CNTN1: variants seen among roughly 807,000 people sequenced by gnomAD.
The protein encoded by CNTN1 is contactin 1.
CNTN1 carries 38 observed loss-of-function variants against 126.4 expected under a neutral mutation model. The ratio of observed to expected loss-of-function variants is 0.30; its 90% CI spans 0.23 to 0.39. CNTN1 has a LOEUF of 0.39. Among genes scored for constraint, CNTN1 ranks in the 10% least tolerant of loss-of-function variants. The probability of loss-of-function intolerance (pLI) is 1.00; values close to 1 mark genes in which losing one functional copy is unlikely to be tolerated. For missense variants in CNTN1, 1,009 were observed against 1,248.4 expected (o/e 0.81, Z 2.89); for synonymous variants, 413 against 422.6 (o/e 0.98, Z 0.28).
chr12:40,816,444 G>A (rs1252789783), intron 1 of CNTN1, among the ~76,000 whole-genome samples: 2 of 152,118 alleles, frequency 1.3e-5, no homozygotes, highest in African/African-American at 4.8e-5. Flanking sequence ...GCATAGAGGT[G>A]TTTTTATTAT....
intron 23 of CNTN1, among the ~76,000 whole-genome samples, chr12:41,045,482 T>A (rs1329978942): frequency 1.3e-5 from 2 of 152,156 alleles, no homozygotes; most frequent in Non-Finnish European, 2.9e-5. Flanking sequence ...TTGTGATTTT[T>A]AAAAATAAAA....
intron 1 of CNTN1, among the ~76,000 whole-genome samples, chr12:40,775,969 A>G (rs1203846262): frequency 6.6e-6 from 1 of 151,664 alleles, no homozygotes; most frequent in African/African-American, 2.4e-5. Flanking sequence ...TTTTAATAGT[A>G]TAAAACAAAA....
chr12:40,948,255 TTTC>T (rs1380929836), intron 14 of CNTN1, among the ~76,000 whole-genome samples: 7 of 126,454 alleles, frequency 5.5e-5, no homozygotes, highest in Admixed American at 8.6e-5. Context: ...TTTTTCTTTC[TTTC>T]TTTTTTTTTT....
intron 1 of CNTN1, among the ~76,000 whole-genome samples, chr12:40,887,779 G>A (rs1400009996): frequency 2.6e-5 from 4 of 151,978 alleles, no homozygotes; most frequent in South Asian, 2.1e-4. Flanking sequence ...GTCCAACAAC[G>A]ATAGACTGGA....
At chr12:40,831,081 A>ATATATAG (rs1359382906) in intron 1 of CNTN1, among the ~76,000 whole-genome samples, 1 of 144,770 alleles carries the variant, frequency 6.9e-6, no homozygotes, top group African/African-American at 2.6e-5. Flanking sequence ...TATACTATAC[A>ATATATAG]TATACTATAT....
intron 3 of CNTN1, among the ~76,000 whole-genome samples, chr12:40,918,425 G>A (rs1385708204): frequency 6.6e-6 from 1 of 151,936 alleles, no homozygotes; most frequent in Non-Finnish European, 1.5e-5. Flanking sequence ...GGCAACACAT[G>A]GTACATTTGG....
intron 1 of CNTN1, among the ~76,000 whole-genome samples, chr12:40,853,528 A>C (rs956944458): frequency 6.6e-6 from 1 of 152,160 alleles, no homozygotes; most frequent in Non-Finnish European, 1.5e-5. Context: ...GGTCATGTTT[A>C]CATTGTCTTA....
intron 1 of CNTN1, among the ~76,000 whole-genome samples, chr12:40,847,896 G>A (rs1942571648): frequency 6.6e-6 from 1 of 152,160 alleles, no homozygotes; most frequent in Non-Finnish European, 1.5e-5. Flanking sequence ...AGATCATAAG[G>A]CATTAGATTC....
intron 15 of CNTN1, among the ~76,000 whole-genome samples, chr12:40,963,051 T>C (rs1474384266): frequency 6.6e-6 from 1 of 152,092 alleles, no homozygotes; most frequent in Non-Finnish European, 1.5e-5. Flanking sequence ...TTATCTACTC[T>C]GAAATAGGAC....
chr12:40,944,625 T>C (rs532937423), intron 14 of CNTN1, among the ~76,000 whole-genome samples: 19 of 152,008 alleles, frequency 1.2e-4, no homozygotes, highest in Non-Finnish European at 2.6e-4. Context: ...GTTTATGTGA[T>C]TTGAAGAGGG....
chr12:40,860,302 AG>A (rs1943071585), intron 1 of CNTN1, among the ~76,000 whole-genome samples: 1 of 152,124 alleles, frequency 6.6e-6, no homozygotes, highest in Admixed American at 6.6e-5. Context: ...ATGTCTTCTA[AG>A]GTCTGGTGCA....
chr12:40,926,074 G>C (rs1239941336), intron 6 of CNTN1, among the ~76,000 whole-genome samples: 1 of 151,272 alleles, frequency 6.6e-6, no homozygotes, highest in Non-Finnish European at 1.5e-5. Flanking sequence ...AGCAAAACAG[G>C]AAAAGCTACC....
chr12:40,859,868 A>G (rs1289719173), intron 1 of CNTN1, among the ~76,000 whole-genome samples: 4 of 152,152 alleles, frequency 2.6e-5, no homozygotes, highest in African/African-American at 9.6e-5. Flanking sequence ...ATAATTCACC[A>G]TCCAAAACTT....
intron 23 of CNTN1, among the ~76,000 whole-genome samples, chr12:41,041,585 A>G (rs1251838859): frequency 6.6e-6 from 1 of 152,114 alleles, no homozygotes; most frequent in Non-Finnish European, 1.5e-5. Context: ...TATTGCCACA[A>G]TTTCAGAGCC....
intron 23 of CNTN1, among the ~76,000 whole-genome samples, chr12:41,049,557 C>T (rs1949625800): frequency 6.6e-6 from 1 of 152,204 alleles, no homozygotes; most frequent in Non-Finnish European, 1.5e-5. Context: ...TCATAGGGTC[C>T]AGTCACTGTG....
Position 41,071,630 on chromosome 12 carries a change from A to C in CNTN1, c.*1595A>C, listed in dbSNP as rs1950161459. The C allele has an allele frequency of 1.3e-5, 2 of 152,132 alleles. No homozygotes were observed. The highest frequency in any genetic ancestry group is 4.1e-4 in the South Asian group (2 of 4,826). 9.4% of individuals were successfully genotyped at this position (152,132 alleles called of 1,614,324 possible). ...AGTCTTCATTATGAAAATATCAATAAATATTTCATTAGTTTACATTTAACT... is the reference window on the plus strand; with the variant it reads ...AGTCTTCATTATGAAAATATCAATACATATTTCATTAGTTTACATTTAACT... On this transcript the variant is annotated 3_prime_UTR_variant, in exon 24 of 24. Transcript: ENST00000551295.
intron 1 of CNTN1, among the ~76,000 whole-genome samples, chr12:40,746,938 A>AC (rs1162744787): frequency 2.0e-5 from 3 of 151,936 alleles, no homozygotes; most frequent in African/African-American, 7.2e-5. Flanking sequence ...GCTGGCTGTA[A>AC]CCAATTATTA....
intron 23 of CNTN1, among the ~76,000 whole-genome samples, chr12:41,036,699 T>C (rs1255712960): frequency 2.6e-5 from 4 of 152,122 alleles, no homozygotes; most frequent in Non-Finnish European, 4.4e-5. Flanking sequence ...ACTTCCCATA[T>C]TTTCATTTTC....
At chr12:40,793,711 T>C (rs1592093557) in intron 1 of CNTN1, among the ~76,000 whole-genome samples, 1 of 152,182 alleles carries the variant, frequency 6.6e-6, no homozygotes. Flanking sequence ...ACCTGGAAAA[T>C]ATCTACTCTT....
Sources: allele counts gnomAD v4.1 joint callset (sites outside exome capture counted in the v4.1 genomes callset), GRCh38; gene constraint gnomAD v4.1.1; transcripts MANE v1.5; gene names NCBI Gene and HGNC (gene_info 2026-07-23, HGNC 2026-07-21).